Variants in FAM107B observed in about 807,000 individuals in gnomAD.
FAM107B encodes the protein family with sequence similarity 107 member B.
In FAM107B, 21 loss-of-function variants were observed where a neutral mutation model predicts 31.5. The ratio of observed to expected loss-of-function variants is 0.67; its 90% CI spans 0.47 to 0.96. The LOEUF (loss-of-function observed/expected upper bound fraction) is 0.96. Ranked by LOEUF, FAM107B falls within the 40% of genes least tolerant of loss-of-function variation. The pLI, the probability that FAM107B is intolerant of heterozygous loss-of-function variation, is 0.00. For synonymous variants in FAM107B, 157 were observed against 141.5 expected (o/e 1.11, Z -0.78); for missense variants, 452 against 377.1 (o/e 1.20, Z -1.64).
chr10:14,762,544 C>A (rs577740293), intron 1 of FAM107B, among the ~76,000 whole-genome samples: 2 of 152,066 alleles, frequency 1.3e-5, no homozygotes, highest in African/African-American at 4.8e-5. Flanking sequence ...CACCTGAGGC[C>A]GGGAGTTCGA....
intron 3 of FAM107B, chr10:14,527,914 A>C (rs1846469006): frequency 4.1e-6 from 1 of 242,700 alleles, no homozygotes; most frequent in African/African-American, 2.4e-5. Context: ...AAATCACTGT[A>C]TTTCTAACAA....
chr10:14,529,932 A>G (rs1846762434), intron 3 of FAM107B: 1 of 169,956 alleles, frequency 5.9e-6, no homozygotes. Flanking sequence ...CAAATGCCGG[A>G]GTAGGCGGCA....
intron 1 of FAM107B, among the ~76,000 whole-genome samples, chr10:14,677,031 G>A (rs1046316976): frequency 6.6e-5 from 10 of 152,196 alleles, no homozygotes; most frequent in Admixed American, 2.6e-4. Flanking sequence ...GAAGTTGGCT[G>A]AAGCCTTCAT....
In FAM107B at chr10:14,521,020, G is replaced by C; in HGVS notation, c.*170C>G. On this transcript the variant is annotated 3_prime_UTR_variant, in exon 5 of 5. Transcript: ENST00000181796. ...CATTTGGCGAATAGGAACTGCAACT[G>C]TCACAGGCAAGGCATCCACCCAGAT... 1 of 593,806 alleles carries C rather than the reference G, an allele frequency of 1.7e-6. No homozygotes were observed. The highest frequency in any genetic ancestry group is 3.0e-6 in the Non-Finnish European group (1 of 337,806). 36.8% of individuals were successfully genotyped at this position (593,806 alleles called of 1,614,324 possible).
intron 2 of FAM107B, among the ~76,000 whole-genome samples, chr10:14,609,785 A>T (rs1446715206): frequency 6.6e-6 from 1 of 152,240 alleles, no homozygotes; most frequent in Non-Finnish European, 1.5e-5. Flanking sequence ...AGGCTATCTT[A>T]GAATTCTATG....
In FAM107B at chr10:14,699,056, G is replaced by A. The variant is rs1010689517; in HGVS notation, c.412-31365C>T. ...GGGTACCCTGCGAGCAGGCAGAGGT[G>A]GGGGGCAGGGGTACACTGAAAACAA... On this transcript the variant is annotated intron_variant, in intron 1 of 4. Transcript: ENST00000181796. Among the ~76,000 whole-genome samples the A allele has an allele frequency of 3.2e-5, 4 of 126,654 alleles. No homozygotes were observed. In the East Asian group the frequency reaches 8.9e-4, roughly 28 times the overall value. 83.1% of individuals were successfully genotyped at this position (126,654 alleles called of 152,430 possible).
At chr10:14,690,776 T>C (rs2601742) in intron 1 of FAM107B, among the ~76,000 whole-genome samples, 64,499 of 151,810 alleles carry the variant, frequency 0.42, 14,029 homozygotes, top group African/African-American at 0.51. Context: ...TTAAGCTCTC[T>C]TTGAATTATT....
intron 2 of FAM107B, among the ~76,000 whole-genome samples, chr10:14,547,329 G>C (rs1848787974): frequency 6.6e-6 from 1 of 152,116 alleles, no homozygotes; most frequent in Non-Finnish European, 1.5e-5. Context: ...ACTTCTCTGG[G>C]TTTGTTTCCT....
At chr10:14,718,677 TCCA>T (rs1855839639) in intron 1 of FAM107B, among the ~76,000 whole-genome samples, 1 of 152,168 alleles carries the variant, frequency 6.6e-6, no homozygotes, top group Admixed American at 6.5e-5. Context: ...GAGGCTGACA[TCCA>T]AATCTAATTG....
chr10:14,602,134 G>A (rs1852419641), intron 2 of FAM107B, among the ~76,000 whole-genome samples: 1 of 152,110 alleles, frequency 6.6e-6, no homozygotes, highest in African/African-American at 2.4e-5. Context: ...AAGGAATGCC[G>A]ATCATCAGAG....
In FAM107B at chr10:14,685,790, C is replaced by T. The variant is rs912334835; in HGVS notation, c.412-18099G>A. ...CCTCTCTATCAGTCTGTTCTCACAC[C>T]GCTGATAAAGACATACCCAAGACTG... On this transcript the variant is annotated intron_variant, in intron 1 of 4. Coordinates refer to ENST00000181796, the MANE Select transcript of FAM107B (RefSeq NM_031453.4). Among the ~76,000 whole-genome samples, 8 of 152,222 alleles carry T rather than the reference C, an allele frequency of 5.3e-5. 1 individual carries two copies. The highest frequency in any genetic ancestry group is 5.2e-4 in the Admixed American group (8 of 15,298).
At chr10:14,565,768 G>A (rs1850612370) in intron 2 of FAM107B, among the ~76,000 whole-genome samples, 1 of 152,204 alleles carries the variant, frequency 6.6e-6, no homozygotes, top group African/African-American at 2.4e-5. Flanking sequence ...GGAGAGGAAG[G>A]GGAGGCTGCA....
At chr10:14,765,235 T>C (rs959643786) in intron 1 of FAM107B, among the ~76,000 whole-genome samples, 1 of 152,250 alleles carries the variant, frequency 6.6e-6, no homozygotes, top group Non-Finnish European at 1.5e-5. Context: ...TATTCCCTCA[T>C]CTTTTATGTC....
intron 2 of FAM107B, among the ~76,000 whole-genome samples, chr10:14,639,674 G>A (rs916290063): frequency 1.3e-5 from 2 of 152,016 alleles, no homozygotes; most frequent in African/African-American, 4.8e-5. Flanking sequence ...TTATGGTATT[G>A]TCCAGCTTAA....
At chr10:14,669,424 C>T (rs954252733) in intron 1 of FAM107B, among the ~76,000 whole-genome samples, 3 of 148,272 alleles carry the variant, frequency 2.0e-5, no homozygotes, top group African/African-American at 7.4e-5. Flanking sequence ...ATCAGTATAT[C>T]AAAGGGATAT....
chr10:14,640,793 T>G (rs1023124586), intron 2 of FAM107B, among the ~76,000 whole-genome samples: 5 of 152,196 alleles, frequency 3.3e-5, no homozygotes, highest in African/African-American at 1.2e-4. Flanking sequence ...AGCTAGTTAA[T>G]GATTCCTGGG....
intron 1 of FAM107B, among the ~76,000 whole-genome samples, chr10:14,766,820 A>G (rs1329981047): frequency 1.3e-5 from 2 of 150,542 alleles, no homozygotes; most frequent in Non-Finnish European, 3.0e-5. Flanking sequence ...AACACTGTAC[A>G]ACAACAACAA....
intron 1 of FAM107B, among the ~76,000 whole-genome samples, chr10:14,726,570 A>C (rs369682788): frequency 1.3e-5 from 2 of 152,192 alleles, no homozygotes; most frequent in East Asian, 3.8e-4. Flanking sequence ...GAACCATGTC[A>C]TGCTTCCCCC....
chr10:14,630,116 T>G (rs765902217), intron 2 of FAM107B, among the ~76,000 whole-genome samples: 2 of 152,144 alleles, frequency 1.3e-5, no homozygotes, highest in African/African-American at 2.4e-5. Context: ...CTGTTCTCCA[T>G]ACTTAGATCT....
Sources: gnomAD v4.1 joint callset for allele counts (sites outside exome capture counted in the v4.1 genomes callset) on GRCh38, gnomAD v4.1.1 for gene constraint, MANE v1.5 for transcripts, NCBI Gene and HGNC (gene_info 2026-07-23, HGNC 2026-07-21) for gene names.